Variants in CDC40 observed in about 807,000 individuals in gnomAD.
CDC40 encodes the protein pre-mRNA-processing factor 17.
CDC40 carries 27 observed loss-of-function variants against 80.6 expected under a neutral mutation model. That is an observed-to-expected ratio of 0.33 (90% CI 0.25 to 0.46). The LOEUF (loss-of-function observed/expected upper bound fraction) is 0.46. Among genes scored for constraint, CDC40 ranks in the 20% least tolerant of loss-of-function variants. The probability of loss-of-function intolerance (pLI) is 1.00; values close to 1 mark genes in which losing one functional copy is unlikely to be tolerated. For synonymous variants in CDC40, 221 were observed against 232.6 expected (o/e 0.95, Z 0.45); for missense variants, 486 against 694.1 (o/e 0.70, Z 3.37).
At chr6:110,206,959 T>C (rs1237700239) in intron 3 of CDC40, among the ~76,000 whole-genome samples, 1 of 152,208 alleles carries the variant, frequency 6.6e-6, no homozygotes, top group African/African-American at 2.4e-5. Context: ...CATATTATGC[T>C]GGAGTCTAGC....
chr6:110,180,486 G>T lies in CDC40; in HGVS notation c.42G>T (p.Ser14=), dbSNP rs754476180. The T allele has an allele frequency of 3.1e-6, 5 of 1,614,170 alleles. No homozygotes were observed. In the Admixed American group the frequency reaches 5.0e-5, roughly 16 times the overall value. The change falls in exon 1 of 15, where the codon TCG becomes TCT. Residue 14 remains serine, a synonymous_variant. Transcript: ENST00000307731. ...CAGCTCTGGCCGCTTCCTATGGTTCGGGTTCAGGGTCCGAATCGGACTCGG... is the reference window on the plus strand; with the variant it reads ...CAGCTCTGGCCGCTTCCTATGGTTCTGGTTCAGGGTCCGAATCGGACTCGG... ...AIAALAASYG[S]GSGSESDSDS... is the part of the protein sequence containing the mutation.
intron 1 of CDC40, among the ~76,000 whole-genome samples, chr6:110,183,663 A>G (rs938194494): frequency 1.3e-5 from 2 of 152,234 alleles, no homozygotes; most frequent in African/African-American, 4.8e-5. Flanking sequence ...AAATTGGAAA[A>G]TGACCAAGGG....
chr6:110,222,115 T>C (rs1777785536), intron 12 of CDC40, among the ~76,000 whole-genome samples: 1 of 151,702 alleles, frequency 6.6e-6, no homozygotes, highest in Non-Finnish European at 1.5e-5. Context: ...AATTAGCTAG[T>C]GTGGTGGCAC....
chr6:110,206,739 CT>C (rs1431415828), intron 3 of CDC40, among the ~76,000 whole-genome samples: 1 of 152,098 alleles, frequency 6.6e-6, no homozygotes, highest in Non-Finnish European at 1.5e-5. Flanking sequence ...TCTTCTTACC[CT>C]TTTTTATTTA....
Position 110,217,822 on chromosome 6 carries a change from T to G in CDC40, c.1090+19T>G, listed in dbSNP as rs777766507. ...GAGACAGGTAAGAGTTCACTTATGC[T>G]AATACACATTCATCTTACAAGTTAT... On this transcript the variant is annotated intron_variant, in intron 10 of 14. Transcript: ENST00000307731. 25 of 1,149,618 alleles carry G rather than the reference T, an allele frequency of 2.2e-5. 1 individual carries two copies. The highest frequency in any genetic ancestry group is 6.9e-5 in the Admixed American group (4 of 58,168). The allele number at this position is 1,149,618 out of a possible 1,614,324, so 71.2% of individuals were successfully genotyped here.
rs901923267 is a variant in CDC40 at position 110,196,153 on chromosome 6, A to T, written c.276+2885A>T. ...GCAAGGAAACCAAGTCTTAAGTTATACTGCCAGCAAGTGGCAAATTTAGAG... is the reference window on the plus strand; with the variant it reads ...GCAAGGAAACCAAGTCTTAAGTTATTCTGCCAGCAAGTGGCAAATTTAGAG... On this transcript the variant is annotated intron_variant, in intron 2 of 14. Transcript: ENST00000307731. Among the ~76,000 whole-genome samples, 29 of 152,166 alleles carry T rather than the reference A, an allele frequency of 1.9e-4. 1 individual carries two copies. Among genetic ancestry groups the T allele is most frequent in the Non-Finnish European group, 2.6e-4 (18 of 68,010 alleles).
At chr6:110,194,979 A>G (rs1777400165) in intron 2 of CDC40, among the ~76,000 whole-genome samples, 1 of 152,222 alleles carries the variant, frequency 6.6e-6, no homozygotes, top group Non-Finnish European at 1.5e-5. Context: ...CTCGGGTTAG[A>G]GAACCTCACA....
At chr6:110,181,486 T>G (rs539157665) in intron 1 of CDC40, among the ~76,000 whole-genome samples, 24 of 152,326 alleles carry the variant, frequency 1.6e-4, no homozygotes, top group Non-Finnish European at 2.1e-4. Context: ...GTCCAAAAAT[T>G]CCTTTGTATC....
At chr6:110,229,091 A>T in intron 14 of CDC40, 115 bp downstream of exon 14, 9 of 886,872 alleles carry the variant, frequency 1.0e-5, no homozygotes, top group Non-Finnish European at 1.5e-5. Context: ...TGAGAACTCG[A>T]TGATCTGTCA....
chr6:110,225,942 T>G (rs1387570124), intron 12 of CDC40, among the ~76,000 whole-genome samples: 1 of 152,214 alleles, frequency 6.6e-6, no homozygotes, highest in Non-Finnish European at 1.5e-5. Flanking sequence ...TCACCACCAC[T>G]GTTATAATGA....
chr6:110,193,246 A>T lies in CDC40; in HGVS notation c.254A>T (p.Tyr85Phe). ...AVKEVQYNPT[Y>F]ETMFAPEFGP... ...AAAGAAGTTCAGTATAATCCTACCT[A>T]TGAGACCATGTTTGCTCCTGAGGTA... Residue 85 changes from tyrosine (Y) to phenylalanine (F), a missense_variant, in exon 2 of 15, where the codon TAT (tyrosine) becomes TTT (phenylalanine). This residue lies in a region of CDC40 where 381 missense variants were observed against 492.1 expected (regional missense o/e 0.77). Transcript: ENST00000307731. 1 of 1,604,442 alleles carries T rather than the reference A, an allele frequency of 6.2e-7. No homozygotes were observed. The highest frequency in any genetic ancestry group is 1.1e-5 in the South Asian group (1 of 90,870).
intron 5 of CDC40, among the ~76,000 whole-genome samples, chr6:110,210,470 G>C (rs897613794): frequency 8.8e-5 from 13 of 148,048 alleles, no homozygotes; most frequent in Middle Eastern, 3.5e-3. Flanking sequence ...AGAATTGCTT[G>C]AACTAGGAAG....
chr6:110,229,030 G>C (rs1777901426), intron 14 of CDC40, 54 bp downstream of exon 14: 1 of 1,369,692 alleles, frequency 7.3e-7, no homozygotes, highest in South Asian at 1.3e-5. Flanking sequence ...TATATAAACT[G>C]TTGTTGTACA....
rs568644694 is a variant in CDC40, at chr6:110,213,475, C to T, written c.942+315C>T. Among the ~76,000 whole-genome samples the T allele has an allele frequency of 7.9e-5, 12 of 151,034 alleles. No homozygotes were observed. In the South Asian group the frequency reaches 8.4e-4, roughly 11 times the overall value. On this transcript the variant is annotated intron_variant, in intron 8 of 14. Transcript: ENST00000307731. ...CACGACCTCAGCTCACTGCAAGCTT[C>T]GCCTCCCGGGTTCATGCCATTCTCC...
chr6:110,181,473 G>A (rs909260935), intron 1 of CDC40, among the ~76,000 whole-genome samples: 1 of 152,058 alleles, frequency 6.6e-6, no homozygotes, highest in Non-Finnish European at 1.5e-5. Context: ...GAGGGGAGGC[G>A]GTGTCCAAAA....
chr6:110,180,655 G>T (rs1408893458), intron 1 of CDC40, 22 bp downstream of exon 1: 2 of 1,580,020 alleles, frequency 1.3e-6, no homozygotes, highest in African/African-American at 1.3e-5. Context: ...TGCTACTAAT[G>T]CAGTGTGGGA....
chr6:110,195,853 G>C (rs1468872809), intron 2 of CDC40, among the ~76,000 whole-genome samples: 1 of 152,136 alleles, frequency 6.6e-6, no homozygotes, highest in African/African-American at 2.4e-5. Flanking sequence ...GCAAGGCTTT[G>C]GGGGCCAAGG....
chr6:110,223,952 C>G (rs369293922), intron 12 of CDC40, among the ~76,000 whole-genome samples: 220 of 152,186 alleles, frequency 1.4e-3, no homozygotes, highest in African/African-American at 4.6e-3. Flanking sequence ...CCTGCCTTAG[C>G]CTCCCGAGTA....
intron 1 of CDC40, among the ~76,000 whole-genome samples, chr6:110,192,361 G>C (rs1173862406): frequency 1.3e-5 from 2 of 152,184 alleles, no homozygotes; most frequent in Non-Finnish European, 2.9e-5. Context: ...AAATAAAGAG[G>C]AATCAAGGAA....
Sources: gnomAD v4.1 joint callset for allele counts (sites outside exome capture counted in the v4.1 genomes callset) on GRCh38, gnomAD v4.1.1 for gene constraint, gnomAD v4.1.1 regional missense constraint, MANE v1.5 for transcripts, NCBI Gene and HGNC (gene_info 2026-07-23, HGNC 2026-07-21) for gene names.